The following FAT2 variants were observed in gnomAD, a reference collection of about 807,000 sequenced individuals.
FAT2 encodes protocadherin Fat 2.
Under a neutral mutation model 295.3 loss-of-function variants are expected in FAT2, and 150 were observed. The ratio of observed to expected loss-of-function variants is 0.51; its 90% CI spans 0.44 to 0.58. The LOEUF is 0.58. FAT2 is among the 20% of genes least tolerant of loss of function. The pLI is 0.00. For synonymous variants in FAT2, 2,026 were observed against 2,150.3 expected (o/e 0.94, Z 1.60); for missense variants, 4,868 against 5,442.7 (o/e 0.89, Z 3.32).
chr5:151,543,761 C>G lies in FAT2; in HGVS notation c.7366G>C (p.Ala2456Pro). The G allele has an allele frequency of 6.2e-7, 1 of 1,614,210 alleles. No individual in the cohort carries two copies. Among genetic ancestry groups the G allele is most frequent in the Non-Finnish European group, 8.5e-7 (1 of 1,180,042 alleles). ...GTTGCTCGGAAGACTCCATCAGAAG[C>G]ACCTACCCTCAAATTGTAAGAAGAG... ...LDSSYNLRVG[A>P]SDGVFRATVP... Residue 2456 changes from alanine to proline, a missense_variant, in exon 10 of 24, where the codon GCT (alanine) becomes CCT (proline). This residue lies in a region of FAT2 where 3,297 missense variants were observed against 3,669.4 expected (regional missense o/e 0.90). Coordinates refer to ENST00000261800, the MANE Select transcript of FAT2 (RefSeq NM_001447.3).
intron 11 of FAT2, among the ~76,000 whole-genome samples, chr5:151,539,316 A>G (rs1405722028): frequency 3.3e-5 from 5 of 152,206 alleles, no homozygotes; most frequent in African/African-American, 1.2e-4. Flanking sequence ...ATATGTATTT[A>G]TGTGTGTTGC....
chr5:151,590,837 G>T (rs992913973), intron 1 of FAT2, among the ~76,000 whole-genome samples: 1 of 152,178 alleles, frequency 6.6e-6, no homozygotes, highest in African/African-American at 2.4e-5. Context: ...CCAAGTGGGG[G>T]ATTTGATTCT....
chr5:151,565,728 C>T lies in FAT2; in HGVS notation c.3204G>A (p.Gln1068=), dbSNP rs1259960681. The part of the protein sequence containing the change: ...DDDSGLDGEL[Q]YFLRAGTGLA... ...GTCCAGTGCCAGCACGCAGGAAGTACTGGAGCTCCCCATCCAAGCCACTGT... is the reference window on the plus strand; with the variant it reads ...GTCCAGTGCCAGCACGCAGGAAGTATTGGAGCTCCCCATCCAAGCCACTGT... Residue 1068 remains glutamine (Q), a synonymous_variant, in exon 2 of 24, where the codon CAG becomes CAA. Coordinates refer to ENST00000261800, the MANE Select transcript of FAT2 (RefSeq NM_001447.3). 1.4e-6 allele frequency: 2 copies of T among 1,459,994 alleles called. No homozygotes were observed. The highest frequency in any genetic ancestry group is 1.4e-5 in the African/African-American group (1 of 69,406). 90.4% of individuals were successfully genotyped at this position (1,459,994 alleles called of 1,614,324 possible). A position where few individuals can be genotyped will look rare whatever the true frequency, so the allele number is the denominator to read the frequency against.
At chr5:151,584,548 G>A (rs1160096079) in intron 1 of FAT2, among the ~76,000 whole-genome samples, 2 of 152,200 alleles carry the variant, frequency 1.3e-5, no homozygotes, top group Non-Finnish European at 2.9e-5. Context: ...TCAGATGCCA[G>A]ATTTAGTACT....
At chr5:151,557,889 C>T (rs1344237728) in intron 3 of FAT2, among the ~76,000 whole-genome samples, 1 of 152,168 alleles carries the variant, frequency 6.6e-6, no homozygotes, top group Non-Finnish European at 1.5e-5. Flanking sequence ...CTGCCTCAGC[C>T]TCTCCCTTCC....
chr5:151,578,272 G>A (rs754773304), intron 1 of FAT2, among the ~76,000 whole-genome samples: 1 of 152,198 alleles, frequency 6.6e-6, no homozygotes, highest in African/African-American at 2.4e-5. Flanking sequence ...TTACTATCCT[G>A]TGGTTCTTGC....
Position 151,568,358 on chromosome 5 carries a change from C to T in FAT2, c.574G>A (p.Glu192Lys), listed in dbSNP as rs779618450. 6.2e-7 allele frequency: 1 copy of T among 1,614,184 alleles called. No homozygotes were observed. The highest frequency in any genetic ancestry group is 8.5e-7 in the Non-Finnish European group (1 of 1,180,022). ...CTGGTGGGATGGATGGCAAACATCT[C>T]TGACCTTGTGTTAAAGGCATAATAG... is the stretch of plus-strand genomic sequence containing the variant. ...EFYYAFNTRSEMFAIHPTSGV... is the reference protein window; with the variant it reads ...EFYYAFNTRSKMFAIHPTSGV... The change falls in exon 2 of 24, where the codon GAG becomes AAG. Residue 192 changes from glutamate to lysine, a missense_variant. Coordinates refer to ENST00000261800, the MANE Select transcript of FAT2 (RefSeq NM_001447.3).
intron 10 of FAT2, 126 bp from the exon 11 acceptor site, chr5:151,540,889 A>C (rs1295273007): frequency 3.6e-6 from 3 of 831,266 alleles, no homozygotes; most frequent in Non-Finnish European, 5.5e-6. Flanking sequence ...TCCTTCCTTA[A>C]CTAGGAACCC....
chr5:151,544,396 C>T lies in FAT2; in HGVS notation c.6731G>A (p.Arg2244Lys), dbSNP rs781677063. The stretch of plus-strand genomic sequence containing the variant: ...TGACCCCAGAGCTGTATCCGTGGCT[C>T]TGACTGTGAACACATGTTTGGTCTT... ...ESKTKHVFTV[R>K]ATDTALGSFS... is the part of the protein sequence containing the mutation. Residue 2244 changes from arginine (R) to lysine (K), a missense_variant, in exon 10 of 24, where the codon AGA (arginine) becomes AAA (lysine). By Grantham distance (26) the Arg-to-Lys change is conservative. This residue lies in a region of FAT2 where 3,297 missense variants were observed against 3,669.4 expected (regional missense o/e 0.90). Coordinates refer to ENST00000261800, the MANE Select transcript of FAT2 (RefSeq NM_001447.3). The T allele has an allele frequency of 2.5e-6, 4 of 1,614,076 alleles. No individual in the cohort carries two copies. Among genetic ancestry groups the T allele is most frequent in the Admixed American group, 1.7e-5 (1 of 60,006 alleles).
intron 12 of FAT2, among the ~76,000 whole-genome samples, chr5:151,536,320 T>C (rs1755278091): frequency 6.6e-6 from 1 of 152,224 alleles, no homozygotes; most frequent in Admixed American, 6.5e-5. Context: ...TCCCTCTGCC[T>C]GTCCCTGCTG....
chr5:151,527,160 A>C (rs80225398), intron 17 of FAT2, 74 bp downstream of exon 17: 1 of 1,441,770 alleles, frequency 6.9e-7, no homozygotes, highest in Non-Finnish European at 9.5e-7. Flanking sequence ...GACTAATGCC[A>C]CTGAGGGGCA....
chr5:151,561,115 T>TGTGTTA (rs769431113), intron 3 of FAT2, among the ~76,000 whole-genome samples: 13 of 152,080 alleles, frequency 8.5e-5, no homozygotes, highest in Non-Finnish European at 1.5e-4. Flanking sequence ...TGCTGGAAAG[T>TGTGTTA]GTGTTAGGGT....
rs1206608209 is a variant in FAT2 at position 151,545,433 on chromosome 5, A to C, written c.5694T>G (p.Asp1898Glu). Residue 1898 changes from aspartate (D) to glutamate (E), a missense_variant, in exon 10 of 24, where the codon GAT (aspartate) becomes GAG (glutamate). By Grantham distance (45) the Asp-to-Glu change is conservative. This residue lies in a region of FAT2 where 3,297 missense variants were observed against 3,669.4 expected (regional missense o/e 0.90). Transcript: ENST00000261800. ...GMELLMVRAS[D>E]EDSEVNYSIK... ...TGCTATAATTGACTTCTGAGTCTTCATCGCTGGCCCGCACCATGAGAAGCT... is the reference window on the plus strand; with the variant it reads ...TGCTATAATTGACTTCTGAGTCTTCCTCGCTGGCCCGCACCATGAGAAGCT... 1.2e-6 allele frequency: 2 copies of C among 1,614,064 alleles called. No individual in the cohort carries two copies. The highest frequency in any genetic ancestry group is 2.2e-5 in the South Asian group (2 of 91,084).
At chr5:151,575,306 G>A (rs1282949619) in intron 1 of FAT2, among the ~76,000 whole-genome samples, 1 of 152,186 alleles carries the variant, frequency 6.6e-6, no homozygotes, top group Non-Finnish European at 1.5e-5. Context: ...TTTCAAATAA[G>A]CATTTGCATG....
At chr5:151,510,838 TGC>T (rs893627479) in intron 21 of FAT2, 1 of 151,466 alleles carries the variant, frequency 6.6e-6, no homozygotes, top group African/African-American at 2.4e-5. Flanking sequence ...AAGAGAAGAG[TGC>T]GTGCAAAGGC....
chr5:151,551,202 C>T (rs1757173563), intron 7 of FAT2, among the ~76,000 whole-genome samples: 1 of 152,182 alleles, frequency 6.6e-6, no homozygotes, highest in Non-Finnish European at 1.5e-5. Context: ...CATCATCCCC[C>T]TATACCCATA....
intron 7 of FAT2, among the ~76,000 whole-genome samples, chr5:151,551,157 G>A (rs116276947): frequency 2.4e-4 from 37 of 152,320 alleles, no homozygotes; most frequent in African/African-American, 8.7e-4. Flanking sequence ...ACTGGCTGAA[G>A]CTAGAATAGA....
At chr5:151,561,489 C>T (rs1758014472) in intron 3 of FAT2, among the ~76,000 whole-genome samples, 1 of 152,214 alleles carries the variant, frequency 6.6e-6, no homozygotes, top group Non-Finnish European at 1.5e-5. Context: ...CTCCCAGGCT[C>T]AAGCCATCTT....
chr5:151,519,713 T>G (rs1441987888), intron 19 of FAT2, among the ~76,000 whole-genome samples: 1 of 152,196 alleles, frequency 6.6e-6, no homozygotes, highest in Non-Finnish European at 1.5e-5. Context: ...GTACTTATGA[T>G]ACATGAATTG....
Sources: gnomAD v4.1 joint callset for allele counts (sites outside exome capture counted in the v4.1 genomes callset) on GRCh38, gnomAD v4.1.1 for gene constraint, gnomAD v4.1.1 regional missense constraint, MANE v1.5 for transcripts, NCBI Gene and HGNC (gene_info 2026-07-23, HGNC 2026-07-21) for gene names.